The following NPAS3 variants were observed in gnomAD, a reference collection of about 807,000 sequenced individuals.
The protein encoded by NPAS3 is neuronal PAS domain-containing protein 3.
Under a neutral mutation model 73.1 loss-of-function variants are expected in NPAS3, and 14 were observed. The ratio of observed to expected loss-of-function variants is 0.19; its 90% confidence interval spans 0.13 to 0.30. The LOEUF is 0.30. Among genes scored for constraint, NPAS3 ranks in the 10% least tolerant of loss-of-function variants. The pLI, the probability that NPAS3 is intolerant of heterozygous loss-of-function variation, is 1.00. For missense variants in NPAS3, 1,096 were observed against 1,250.0 expected (o/e 0.88, Z 1.86); for synonymous variants, 620 against 541.5 (o/e 1.14, Z -2.01).
intron 4 of NPAS3, among the ~76,000 whole-genome samples, chr14:33,460,188 G>A (rs1040674236): frequency 2.0e-5 from 3 of 152,148 alleles, no homozygotes. Context: ...ATGAAAAAAA[G>A]ATTGTTTTAT....
chr14:33,272,645 G>T (rs2041147116), intron 3 of NPAS3, among the ~76,000 whole-genome samples: 1 of 152,062 alleles, frequency 6.6e-6, no homozygotes, highest in Non-Finnish European at 1.5e-5. Flanking sequence ...TTGAACTCCT[G>T]ATCTCAAGTG....
At chr14:33,414,981 A>T (rs2048088869) in intron 4 of NPAS3, among the ~76,000 whole-genome samples, 1 of 152,082 alleles carries the variant, frequency 6.6e-6, no homozygotes, top group South Asian at 2.1e-4. Context: ...GACATGCTGA[A>T]AGTAGGAATC....
At chr14:33,107,303 G>GTATAT (rs1222371661) in intron 2 of NPAS3, among the ~76,000 whole-genome samples, 6 of 152,010 alleles carry the variant, frequency 3.9e-5, no homozygotes, top group African/African-American at 1.2e-4. Flanking sequence ...TGTCACAAAG[G>GTATAT]TATATTGCGT....
chr14:33,248,476 T>C (rs2048467622), intron 3 of NPAS3, among the ~76,000 whole-genome samples: 1 of 152,182 alleles, frequency 6.6e-6, no homozygotes, highest in East Asian at 1.9e-4. Context: ...CCATTCAGTA[T>C]TTTGCATGGT....
chr14:33,528,092 TC>T (rs1219937092), intron 4 of NPAS3, among the ~76,000 whole-genome samples: 1 of 152,104 alleles, frequency 6.6e-6, no homozygotes, highest in Admixed American at 6.6e-5. Flanking sequence ...AAAAAATTCA[TC>T]CTATAGGTGA....
At chr14:33,197,755 AT>A (rs1321067879) in intron 2 of NPAS3, among the ~76,000 whole-genome samples, 1 of 152,100 alleles carries the variant, frequency 6.6e-6, no homozygotes, top group African/African-American at 2.4e-5. Context: ...ACCTTAAGTG[AT>A]TTGTAAGTAT....
chr14:33,339,255 T>C (rs1228036676), intron 3 of NPAS3, among the ~76,000 whole-genome samples: 1 of 152,128 alleles, frequency 6.6e-6, no homozygotes, highest in Non-Finnish European at 1.5e-5. Flanking sequence ...AATTGACCTT[T>C]CAACTGAAGA....
intron 4 of NPAS3, among the ~76,000 whole-genome samples, chr14:33,494,563 T>C (rs945351944): frequency 2.0e-5 from 3 of 152,042 alleles, no homozygotes; most frequent in Non-Finnish European, 4.4e-5. Context: ...GCTGGGGAAA[T>C]GTCAGACCTG....
intron 7 of NPAS3, among the ~76,000 whole-genome samples, chr14:33,754,942 A>AC (rs1445746453): frequency 2.4e-4 from 37 of 152,342 alleles, no homozygotes; most frequent in African/African-American, 7.0e-4. Flanking sequence ...ACACAGCAGG[A>AC]CAAATCTTTA....
chr14:33,322,606 T>A (rs2043505291), intron 3 of NPAS3, among the ~76,000 whole-genome samples: 1 of 152,106 alleles, frequency 6.6e-6, no homozygotes, highest in Admixed American at 6.6e-5. Context: ...TCCTTGCCGT[T>A]TTGCTAAATG....
chr14:33,329,311 G>A (rs2043870542), intron 3 of NPAS3, among the ~76,000 whole-genome samples: 1 of 152,156 alleles, frequency 6.6e-6, no homozygotes, highest in South Asian at 2.1e-4. Context: ...ACAAGCAACT[G>A]CGCTACCAGC....
chr14:33,071,485 A>C (rs1228472226), intron 2 of NPAS3, among the ~76,000 whole-genome samples: 4 of 152,252 alleles, frequency 2.6e-5, no homozygotes, highest in Non-Finnish European at 4.4e-5. Context: ...AATAATATTC[A>C]GATAATTATG....
intron 3 of NPAS3, among the ~76,000 whole-genome samples, chr14:33,360,368 TG>T (rs1203301674): frequency 6.6e-6 from 1 of 150,426 alleles, no homozygotes; most frequent in Non-Finnish European, 1.5e-5. Flanking sequence ...AGGGGGCTGG[TG>T]GGTTCACCCC....
chr14:33,068,868 C>T (rs2041374679), intron 2 of NPAS3, among the ~76,000 whole-genome samples: 1 of 152,046 alleles, frequency 6.6e-6, no homozygotes, highest in Non-Finnish European at 1.5e-5. Flanking sequence ...ACCAGGGAGG[C>T]CAGTGTGGTG....
chr14:33,418,303 G>C (rs117478485), intron 4 of NPAS3, among the ~76,000 whole-genome samples: 1 of 151,926 alleles, frequency 6.6e-6, no homozygotes, highest in Non-Finnish European at 1.5e-5. Flanking sequence ...AGGCTGAACA[G>C]CTTTTCACCC....
intron 4 of NPAS3, among the ~76,000 whole-genome samples, chr14:33,428,791 T>C (rs2048659884): frequency 6.6e-6 from 1 of 152,238 alleles, no homozygotes; most frequent in Middle Eastern, 3.4e-3. Context: ...CATTGATTTG[T>C]ATAAGATGAG....
At chr14:33,698,189 A>C (rs1566438872) in intron 6 of NPAS3, among the ~76,000 whole-genome samples, 1 of 152,246 alleles carries the variant, frequency 6.6e-6, no homozygotes, top group Non-Finnish European at 1.5e-5. Context: ...AGGGCTAGGA[A>C]AGATAACTAC....
chr14:33,585,949 T>C (rs965295835), intron 5 of NPAS3: 3 of 152,134 alleles, frequency 2.0e-5, no homozygotes, highest in African/African-American at 7.2e-5. Flanking sequence ...TATTTTCCTT[T>C]ATAAATACAC....
At chr14:33,144,356 A>G (rs2044164845) in intron 2 of NPAS3, among the ~76,000 whole-genome samples, 1 of 152,222 alleles carries the variant, frequency 6.6e-6, no homozygotes, top group East Asian at 1.9e-4. Flanking sequence ...GACAAAACCT[A>G]TTGTTTTGAA....
Sources: gnomAD v4.1 joint callset for allele counts (sites outside exome capture counted in the v4.1 genomes callset) on GRCh38, gnomAD v4.1.1 for gene constraint, MANE v1.5 for transcripts, NCBI Gene and HGNC (gene_info 2026-07-23, HGNC 2026-07-21) for gene names.